Variants in HPSE2 observed in about 807,000 individuals in gnomAD.
HPSE2 encodes heparanase 2 (inactive), also known as inactive heparanase-2.
In HPSE2, 38 loss-of-function variants were observed where a neutral mutation model predicts 60.5. The observed-to-expected ratio is 0.63, with a 90% CI of 0.48 to 0.82. The LOEUF is 0.82. Among genes scored for constraint, HPSE2 ranks in the 40% least tolerant of loss-of-function variants. The pLI is 0.00. For missense variants in HPSE2, 713 were observed against 740.4 expected, an observed-to-expected ratio of 0.96 and a Z score of 0.43; for synonymous variants, 295 against 293.2, an observed-to-expected ratio of 1.01 and a Z score of -0.06.
the HPSE2 span, among the ~76,000 whole-genome samples, chr10:99,264,197 C>CGTAG: frequency 2.6e-4 from 40 of 151,952 alleles, no homozygotes; most frequent in African/African-American, 9.2e-4. Context: ...ACACCATTCT[C>CGTAG]CTGCCTCAGA....
intron 3 of HPSE2, among the ~76,000 whole-genome samples, chr10:98,841,038 A>C (rs1951900014): frequency 6.6e-6 from 1 of 152,194 alleles, no homozygotes; most frequent in Non-Finnish European, 1.5e-5. Context: ...GGGGCGAATC[A>C]CTTGAAGCCA....
intron 3 of HPSE2, among the ~76,000 whole-genome samples, chr10:99,090,187 GCTAGTACT>G (rs1459448098): frequency 1.3e-5 from 2 of 151,884 alleles, no homozygotes; most frequent in Non-Finnish European, 2.9e-5. Context: ...GATTGCTCTG[GCTAGTACT>G]CAGTATCCTA....
chr10:98,581,381 A>G (rs186292746), intron 9 of HPSE2, among the ~76,000 whole-genome samples: 6 of 152,310 alleles, frequency 3.9e-5, no homozygotes, highest in Non-Finnish European at 7.3e-5. Context: ...TAACTTAACA[A>G]CAACTTAGTG....
intron 3 of HPSE2, among the ~76,000 whole-genome samples, chr10:98,917,606 T>C (rs1477986413): frequency 6.6e-6 from 1 of 152,196 alleles, no homozygotes; most frequent in Non-Finnish European, 1.5e-5. Context: ...AGAGAGCTGT[T>C]CTGACATTTA....
intron 3 of HPSE2, among the ~76,000 whole-genome samples, chr10:99,011,080 T>C (rs1957002110): frequency 6.6e-6 from 1 of 152,146 alleles, no homozygotes; most frequent in Non-Finnish European, 1.5e-5. Context: ...TCTCATCATT[T>C]AGTTCCCATT....
intron 3 of HPSE2, among the ~76,000 whole-genome samples, chr10:98,828,494 TC>T (rs145818247): frequency 0.012 from 1,808 of 152,276 alleles, 23 homozygotes; most frequent in African/African-American, 0.041. Context: ...ATCTCATGTA[TC>T]CCTAAAACTC....
At chr10:99,269,003 A>G in the HPSE2 span, among the ~76,000 whole-genome samples, 1 of 152,034 alleles carries the variant, frequency 6.6e-6, no homozygotes, top group African/African-American at 2.4e-5. Flanking sequence ...TAAAAAAAAT[A>G]CAAAAATTAG....
chr10:98,793,557 A>G (rs1015255201), intron 3 of HPSE2, among the ~76,000 whole-genome samples: 18 of 152,264 alleles, frequency 1.2e-4, no homozygotes, highest in African/African-American at 4.3e-4. Context: ...CATTCCAGAT[A>G]GGTAGGAACA....
intron 3 of HPSE2, among the ~76,000 whole-genome samples, chr10:98,746,437 T>C (rs1223944438): frequency 6.6e-6 from 1 of 152,012 alleles, no homozygotes; most frequent in African/African-American, 2.4e-5. Flanking sequence ...CATTAATACA[T>C]TTTATATTCA....
intron 3 of HPSE2, among the ~76,000 whole-genome samples, chr10:98,887,927 A>ATAATAG (rs1354636790): frequency 2.0e-5 from 3 of 150,758 alleles, no homozygotes; most frequent in African/African-American, 4.9e-5. Flanking sequence ...ATGTATAATA[A>ATAATAG]TAATAATAAA....
chr10:98,855,907 T>C (rs996943999), intron 3 of HPSE2, among the ~76,000 whole-genome samples: 4 of 152,152 alleles, frequency 2.6e-5, no homozygotes, highest in Non-Finnish European at 4.4e-5. Flanking sequence ...ACAGGAACAT[T>C]GAGAAAAATC....
chr10:99,255,806 T>C, the HPSE2 span, among the ~76,000 whole-genome samples: 1 of 152,170 alleles, frequency 6.6e-6, no homozygotes, highest in Non-Finnish European at 1.5e-5. Context: ...CAAAAGCATA[T>C]GTTGGAAACT....
intron 3 of HPSE2, among the ~76,000 whole-genome samples, chr10:98,998,911 C>T (rs1956710905): frequency 1.3e-5 from 2 of 152,124 alleles, no homozygotes; most frequent in African/African-American, 4.8e-5. Context: ...GTTATTATTC[C>T]CCTTCAATTC....
intron 3 of HPSE2, among the ~76,000 whole-genome samples, chr10:98,918,184 C>T (rs1190439863): frequency 6.6e-6 from 1 of 152,140 alleles, no homozygotes; most frequent in East Asian, 1.9e-4. Flanking sequence ...AGTTTTCTTA[C>T]AGTTCCTTAA....
intron 3 of HPSE2, among the ~76,000 whole-genome samples, chr10:98,956,995 T>C (rs1955526321): frequency 6.6e-6 from 1 of 152,188 alleles, no homozygotes; most frequent in Non-Finnish European, 1.5e-5. Context: ...TGAGAGAGTG[T>C]GCAGGAAAAC....
intron 3 of HPSE2, among the ~76,000 whole-genome samples, chr10:98,989,503 G>C (rs1956468261): frequency 6.8e-6 from 1 of 146,344 alleles, no homozygotes; most frequent in Non-Finnish European, 1.5e-5. Context: ...TTGTGGGGTG[G>C]GGGGAGGGGG....
intron 3 of HPSE2, among the ~76,000 whole-genome samples, chr10:99,072,900 G>T (rs1842839507): frequency 7.6e-6 from 1 of 132,334 alleles, no homozygotes. Context: ...CTGCACTCCA[G>T]CCTGGTGACA....
intron 3 of HPSE2, among the ~76,000 whole-genome samples, chr10:98,757,015 C>A (rs1414328017): frequency 2.0e-5 from 3 of 152,046 alleles, no homozygotes; most frequent in Non-Finnish European, 4.4e-5. Flanking sequence ...TGGGATGCAA[C>A]ATTGCATATT....
intron 11 of HPSE2, among the ~76,000 whole-genome samples, chr10:98,468,659 C>T (rs1022842130): frequency 5.9e-5 from 9 of 152,054 alleles, no homozygotes; most frequent in South Asian, 2.1e-4. Flanking sequence ...CAATAGTATG[C>T]GGCTCAGTGC....
Sources: allele counts gnomAD v4.1 joint callset (sites outside exome capture counted in the v4.1 genomes callset), GRCh38; gene constraint gnomAD v4.1.1; transcripts MANE v1.5; gene names NCBI Gene and HGNC (gene_info 2026-07-23, HGNC 2026-07-21).